Variants in SLC45A2 observed in about 807,000 individuals in gnomAD.
The protein encoded by SLC45A2 is solute carrier family 45 member 2.
A neutral mutation model predicts 45.5 loss-of-function variants in SLC45A2; 36 were observed. The observed-to-expected ratio is 0.79, with a 90% CI of 0.61 to 1.04. The LOEUF (loss-of-function observed/expected upper bound fraction) is 1.04, where lower values mean the gene tolerates loss of function less well. Among genes scored for constraint, SLC45A2 ranks in the 50% least tolerant of loss-of-function variants. The pLI is 0.00. For missense variants in SLC45A2, 719 were observed against 671.0 expected (o/e 1.07, Z -0.79); for synonymous variants, 306 against 269.3 (o/e 1.14, Z -1.33).
intron 2 of SLC45A2, among the ~76,000 whole-genome samples, chr5:33,979,827 C>T (rs866740606): frequency 2.0e-5 from 3 of 152,098 alleles, no homozygotes; most frequent in Non-Finnish European, 2.9e-5. Flanking sequence ...TGACCTTGGC[C>T]GAGAGGAAGG....
intron 4 of SLC45A2, among the ~76,000 whole-genome samples, chr5:33,952,666 G>T (rs1752146224): frequency 7.1e-6 from 1 of 140,418 alleles, no homozygotes; most frequent in South Asian, 2.3e-4. Context: ...AATTTCTATT[G>T]AGCAAAAGTT....
chr5:33,982,415 A>G lies in SLC45A2; in HGVS notation c.386-3T>C. ...CCTCCTTGGGTTAGCAATCAAAGCT[A>G]AAAGAAAAATAAACATTGGTCTCCT... On this transcript the variant is annotated splice_region_variant and splice_polypyrimidine_tract_variant and intron_variant, in intron 1 of 6. Transcript: ENST00000296589. The G allele has an allele frequency of 1.2e-6, 2 of 1,613,898 alleles. No individual in the cohort carries two copies. Among genetic ancestry groups the G allele is most frequent in the Non-Finnish European group, 8.5e-7 (1 of 1,179,846 alleles).
intron 2 of SLC45A2, among the ~76,000 whole-genome samples, chr5:33,965,950 C>T (rs933384248): frequency 5.9e-5 from 9 of 152,298 alleles, no homozygotes; most frequent in Admixed American, 1.3e-4. Context: ...ATTCCTTTTT[C>T]GAAACTATCA....
chr5:33,974,348 C>A (rs746099088), intron 2 of SLC45A2, among the ~76,000 whole-genome samples: 3 of 151,322 alleles, frequency 2.0e-5, no homozygotes, highest in Non-Finnish European at 1.5e-5. Flanking sequence ...TAGAAAATCC[C>A]AAAAAAATGT....
intron 5 of SLC45A2, among the ~76,000 whole-genome samples, chr5:33,947,795 A>G (rs1161630775): frequency 6.6e-6 from 1 of 152,240 alleles, no homozygotes; most frequent in Non-Finnish European, 1.5e-5. Flanking sequence ...CCTACAACCC[A>G]AAGTCAGGTT....
intron 3 of SLC45A2, among the ~76,000 whole-genome samples, chr5:33,960,384 T>A (rs891745096): frequency 6.6e-6 from 1 of 151,836 alleles, no homozygotes; most frequent in African/African-American, 2.4e-5. Context: ...GCTGTAAACG[T>A]GTGTGCAGGT....
intron 2 of SLC45A2, among the ~76,000 whole-genome samples, chr5:33,965,071 C>T (rs79976960): frequency 0.019 from 2,850 of 152,276 alleles, 40 homozygotes; most frequent in Non-Finnish European, 0.032. Context: ...ATTCTTTAAA[C>T]GTCAAACTCC....
intron 6 of SLC45A2, among the ~76,000 whole-genome samples, chr5:33,945,121 T>C (rs1395378644): frequency 6.6e-6 from 1 of 152,252 alleles, no homozygotes; most frequent in Non-Finnish European, 1.5e-5. Flanking sequence ...TTTCATGAAT[T>C]GGTGATGTGG....
chr5:33,948,371 G>A (rs1289014924), intron 5 of SLC45A2, among the ~76,000 whole-genome samples: 1 of 152,182 alleles, frequency 6.6e-6, no homozygotes, highest in East Asian at 1.9e-4. Flanking sequence ...TCCCTCAGTC[G>A]TTTTTAATCC....
In SLC45A2 at chr5:33,962,208, T is replaced by C. The variant is rs1752475904; in HGVS notation, c.888+1483A>G. Among the ~76,000 whole-genome samples, 8 of 152,256 alleles carry C rather than the reference T, an allele frequency of 5.3e-5. No homozygotes were observed. The South Asian group carries it at 1.7e-3, about 31-fold the overall frequency. On this transcript the variant is annotated intron_variant, in intron 3 of 6. Coordinates refer to ENST00000296589, the MANE Select transcript of SLC45A2 (RefSeq NM_016180.5). ...TATGAGTCATGGTATAAATGGCATATGCCACGTGTTAGGCTGCAAATTCCT... is the reference window on the plus strand; with the variant it reads ...TATGAGTCATGGTATAAATGGCATACGCCACGTGTTAGGCTGCAAATTCCT...
intron 2 of SLC45A2, among the ~76,000 whole-genome samples, chr5:33,967,754 T>C (rs1752641075): frequency 6.6e-6 from 1 of 151,660 alleles, no homozygotes; most frequent in African/African-American, 2.4e-5. Context: ...ACCAGGTTCA[T>C]ATTTAGTCTA....
At chr5:33,982,096 C>T (rs1457325682) in intron 2 of SLC45A2, 140 bp downstream of exon 2, 2 of 897,098 alleles carry the variant, frequency 2.2e-6, no homozygotes, top group Non-Finnish European at 3.6e-6. Context: ...CACGGGGAGA[C>T]AGTGCCCGCA....
At chr5:33,978,051 AACTG>A (rs572532975) in intron 2 of SLC45A2, among the ~76,000 whole-genome samples, 1 of 152,226 alleles carries the variant, frequency 6.6e-6, no homozygotes, top group Non-Finnish European at 1.5e-5. Flanking sequence ...TAAGGCCTCC[AACTG>A]ACTGAGTGGA....
chr5:33,983,622 A>G (rs370046190), intron 1 of SLC45A2, among the ~76,000 whole-genome samples: 9 of 152,348 alleles, frequency 5.9e-5, no homozygotes, highest in African/African-American at 1.4e-4. Context: ...ACTACCATCA[A>G]TTACTGATTA....
At chr5:33,945,358 G>A (rs1485270357) in intron 6 of SLC45A2, among the ~76,000 whole-genome samples, 1 of 152,154 alleles carries the variant, frequency 6.6e-6, no homozygotes, top group Non-Finnish European at 1.5e-5. Context: ...AAAATTCAAA[G>A]ATTTTAAGAA....
At chr5:33,971,112 G>A (rs963692695) in intron 2 of SLC45A2, 26 of 526,978 alleles carry the variant, frequency 4.9e-5, no homozygotes, top group South Asian at 2.4e-4. Context: ...GGGAGTTGTC[G>A]TCGACAGCTT....
At chr5:33,952,445 G>A (rs1752136752) in intron 4 of SLC45A2, among the ~76,000 whole-genome samples, 1 of 151,438 alleles carries the variant, frequency 6.6e-6, no homozygotes, top group Non-Finnish European at 1.5e-5. Context: ...AATTATGAGT[G>A]ATGCATTTAC....
chr5:33,951,467 G>A (rs754763812), intron 5 of SLC45A2, 87 bp downstream of exon 5: 4 of 1,608,676 alleles, frequency 2.5e-6, no homozygotes, highest in Non-Finnish European at 3.4e-6. Flanking sequence ...ATTTTAAACA[G>A]TAGGAAATAC....
chr5:33,961,547 C>T (rs1752455388), intron 3 of SLC45A2, among the ~76,000 whole-genome samples: 1 of 152,196 alleles, frequency 6.6e-6, no homozygotes, highest in African/African-American at 2.4e-5. Context: ...CAAATCCTAA[C>T]TATCATTCAA....
Sources: gnomAD v4.1 joint callset for allele counts (sites outside exome capture counted in the v4.1 genomes callset) on GRCh38, gnomAD v4.1.1 for gene constraint, MANE v1.5 for transcripts, NCBI Gene and HGNC (gene_info 2026-07-23, HGNC 2026-07-21) for gene names.